Variants in CDH4 observed in about 807,000 individuals in gnomAD.
CDH4 encodes cadherin-4.
A neutral mutation model predicts 86.0 loss-of-function variants in CDH4; 33 were observed. The observed-to-expected ratio is 0.38, with a 90% CI of 0.29 to 0.51. CDH4 has a LOEUF of 0.51. CDH4 is among the 20% of genes least tolerant of loss of function. The probability of loss-of-function intolerance (pLI) is 0.86; values close to 1 mark genes in which losing one functional copy is unlikely to be tolerated. For missense variants in CDH4, 1,114 were observed against 1,307.4 expected, an observed-to-expected ratio of 0.85 and a Z score of 2.28; for synonymous variants, 555 against 549.4, an observed-to-expected ratio of 1.01 and a Z score of -0.14.
chr20:61,583,667 A>G (rs2086448922), intron 2 of CDH4, among the ~76,000 whole-genome samples: 2 of 152,296 alleles, frequency 1.3e-5, no homozygotes, highest in South Asian at 4.1e-4. Flanking sequence ...CGTTGACATC[A>G]CATTGCCATC....
intron 2 of CDH4, among the ~76,000 whole-genome samples, chr20:61,644,730 C>A (rs1046256944): frequency 3.9e-5 from 6 of 152,226 alleles, no homozygotes; most frequent in Non-Finnish European, 5.9e-5. Flanking sequence ...TCTGCCCTAC[C>A]GTTCCTGGCT....
chr20:61,833,186 G>T lies in CDH4; in HGVS notation c.577-11482G>T, dbSNP rs6061854. Among the ~76,000 whole-genome samples, 711 of 152,164 alleles carry T rather than the reference G, an allele frequency of 4.7e-3. 5 individuals carry two copies. The highest frequency in any genetic ancestry group is 0.016 in the African/African-American group (666 of 41,508). ...ACTCCAGGATAGGAGCCAGCACATT[G>T]CCTTTTTGCTTGAGCCAGTTACATT... On this transcript the variant is annotated intron_variant, in intron 4 of 15. Transcript: ENST00000614565.
In CDH4 at chr20:61,810,242, G is replaced by T. The variant is rs1980364537; in HGVS notation, c.577-34426G>T. ...CTGGCAGACCCCGGGAAAGGCCATG[G>T]CCACCCACATGGATGTGTGGGTATG... is the stretch of plus-strand genomic sequence containing the variant. On this transcript the variant is annotated intron_variant, in intron 4 of 15. Coordinates refer to ENST00000614565, the MANE Select transcript of CDH4 (RefSeq NM_001794.5). The surrounding 1 kb of genome is among the most constrained non-coding windows in gnomAD (Gnocchi z 4.3). Among the ~76,000 whole-genome samples the T allele has an allele frequency of 6.6e-6, 1 of 152,206 alleles. No individual in the cohort carries two copies. The highest frequency in any genetic ancestry group is 1.5e-5 in the Non-Finnish European group (1 of 68,032).
At chr20:61,426,227 T>C (rs2085214570) in intron 2 of CDH4, among the ~76,000 whole-genome samples, 1 of 152,242 alleles carries the variant, frequency 6.6e-6, no homozygotes, top group African/African-American at 2.4e-5. Context: ...CATCTCATTT[T>C]TTGACGCAGC....
At chr20:61,650,621 A>G (rs1435277975) in intron 2 of CDH4, among the ~76,000 whole-genome samples, 1 of 152,198 alleles carries the variant, frequency 6.6e-6, no homozygotes, top group Non-Finnish European at 1.5e-5. Flanking sequence ...CTGGCATGAG[A>G]CAAGTAGCTT....
Position 61,383,153 on chromosome 20 carries a change from AATATATT to A in CDH4, c.169+128223_169+128229del, listed in dbSNP as rs1466458181. Among the ~76,000 whole-genome samples, 4 of 87,086 alleles carry A rather than the reference AATATATT, an allele frequency of 4.6e-5. 1 individual carries two copies. In the South Asian group the frequency reaches 8.1e-4, roughly 18 times the overall value. The allele number at this position is 87,086 out of a possible 152,430, so 57.1% of individuals were successfully genotyped here. A position where few individuals can be genotyped will look rare whatever the true frequency, so the allele number is the denominator to read the frequency against. On this transcript the variant is annotated intron_variant, in intron 2 of 15. Transcript: ENST00000614565. ...TATATTATATATATGAATATATATG[AATATATT>A]ATATATATGAATATATTTATGAATA...
chr20:61,844,500 G>A (rs892125323), intron 4 of CDH4, among the ~76,000 whole-genome samples, 168 bp from the exon 5 acceptor site: 7 of 152,074 alleles, frequency 4.6e-5, no homozygotes, highest in Admixed American at 2.0e-4. Flanking sequence ...CCTGACCACC[G>A]ACTGTCCTTC....
chr20:61,848,264 C>T (rs763071013), intron 5 of CDH4, among the ~76,000 whole-genome samples: 20 of 152,184 alleles, frequency 1.3e-4, no homozygotes, highest in Admixed American at 3.9e-4. Context: ...GAGCCCAGGG[C>T]GGTGGGGGTG....
At chr20:61,592,345 C>T (rs945180103) in intron 2 of CDH4, among the ~76,000 whole-genome samples, 1 of 152,174 alleles carries the variant, frequency 6.6e-6, no homozygotes, top group Non-Finnish European at 1.5e-5. Flanking sequence ...AAGAGGAAAA[C>T]TGGGCACTGC....
chr20:61,402,156 G>A (rs551614087), intron 2 of CDH4, among the ~76,000 whole-genome samples: 65 of 152,244 alleles, frequency 4.3e-4, no homozygotes, highest in African/African-American at 1.5e-3. Context: ...CAGTATCTGT[G>A]GAGGACTGGC....
At chr20:61,549,452 G>A (rs755908003) in intron 2 of CDH4, among the ~76,000 whole-genome samples, 12 of 150,176 alleles carry the variant, frequency 8.0e-5, no homozygotes, top group African/African-American at 2.5e-4. Context: ...AACTGGGAGC[G>A]TCTTTTTAAA....
At chr20:61,619,733 G>A (rs1201133461) in intron 2 of CDH4, among the ~76,000 whole-genome samples, 1 of 152,234 alleles carries the variant, frequency 6.6e-6, no homozygotes, top group South Asian at 2.1e-4. Context: ...GCTGTTGGAC[G>A]GGGCTGAGTT....
At chr20:61,633,816 G>A (rs2086919777) in intron 2 of CDH4, among the ~76,000 whole-genome samples, 2 of 152,184 alleles carry the variant, frequency 1.3e-5, no homozygotes, top group African/African-American at 4.8e-5. Context: ...GTAGCCTGCA[G>A]TTAATGTGCA....
chr20:61,565,284 G>GGGAGGTGGTGGTGGTGGTGCTCTT (rs1555809174), intron 2 of CDH4, among the ~76,000 whole-genome samples: 1 of 97,708 alleles, frequency 1.0e-5, no homozygotes, highest in South Asian at 3.8e-4. Context: ...CTTGGTGATG[G>GGGAGGTGGTGGTGGTGGTGCTCTT]GGTGATGGTG....
rs182829870 is a variant in CDH4, at chr20:61,931,492, C to A, written c.2240-1493C>A. Among the ~76,000 whole-genome samples the A allele has an allele frequency of 1.6e-3, 251 of 152,300 alleles. 10 individuals carry two copies. Among genetic ancestry groups the A allele is most frequent in the Admixed American group, 0.016 (250 of 15,300 alleles). On this transcript the variant is annotated intron_variant, in intron 13 of 15. Coordinates refer to ENST00000614565, the MANE Select transcript of CDH4 (RefSeq NM_001794.5). ...AATTAATCGGGTTGGCAAAAAACAG[C>A]CCTCCTGACTGGGGGGTCGCCGCCC...
intron 2 of CDH4, among the ~76,000 whole-genome samples, chr20:61,549,668 G>A (rs2086113207): frequency 6.6e-6 from 1 of 152,214 alleles, no homozygotes. Context: ...AGACTAAACA[G>A]CGAAGCCTCC....
At chr20:61,656,122 G>C (rs972094186) in intron 2 of CDH4, among the ~76,000 whole-genome samples, 1 of 152,190 alleles carries the variant, frequency 6.6e-6, no homozygotes. Context: ...GGCTGGAGAC[G>C]AACCACCCAC....
intron 2 of CDH4, among the ~76,000 whole-genome samples, chr20:61,699,767 G>GGACCCGGGGCTTTCACCGCT: frequency 7.1e-6 from 1 of 140,754 alleles, no homozygotes; most frequent in African/African-American, 2.4e-5. Context: ...CTTTCACCGC[G>GGACCCGGGGCTTTCACCGCT]GACCCGGGGC....
intron 4 of CDH4, among the ~76,000 whole-genome samples, chr20:61,776,610 C>T (rs1049484436): frequency 2.6e-5 from 4 of 152,194 alleles, no homozygotes; most frequent in Admixed American, 1.3e-4. Context: ...AGGCCGTGAG[C>T]GGAAGGAGGC....
Sources: gnomAD v4.1 joint callset for allele counts (sites outside exome capture counted in the v4.1 genomes callset) on GRCh38, gnomAD v4.1.1 for gene constraint, Gnocchi (gnomAD v3.1) non-coding constraint, MANE v1.5 for transcripts, NCBI Gene and HGNC (gene_info 2026-07-23, HGNC 2026-07-21) for gene names.